ADAMTSL4: variants seen among roughly 807,000 people sequenced by gnomAD.
ADAMTSL4 encodes ADAMTS like 4, also known as ADAMTS-like protein 4.
ADAMTSL4 carries 97 observed loss-of-function variants against 122.8 expected under a neutral mutation model. That is an observed-to-expected ratio of 0.79 (90% CI 0.67 to 0.93). ADAMTSL4 has a LOEUF of 0.93. ADAMTSL4 is among the 40% of genes least tolerant of loss of function. The pLI is 0.00. For missense variants in ADAMTSL4, 1,408 were observed against 1,453.5 expected (o/e 0.97, Z 0.51); for synonymous variants, 592 against 568.0 (o/e 1.04, Z -0.60).
chr1:150,551,916 G>T, intron 2 of ADAMTSL4: 2 of 264,596 alleles, frequency 7.6e-6, no homozygotes, highest in Non-Finnish European at 1.4e-5. Flanking sequence ...AGCCTTTTGT[G>T]TGTGCCTGAG....
chr1:150,559,812 A>T lies in ADAMTSL4; in HGVS notation c.2995A>T (p.Ser999Cys). 1 of 1,613,962 alleles carries T rather than the reference A, an allele frequency of 6.2e-7. No individual in the cohort carries two copies. Among genetic ancestry groups the T allele is most frequent in the Non-Finnish European group, 8.5e-7 (1 of 1,179,992 alleles). The change falls in exon 18 of 19, where the codon AGC becomes TGC. Residue 999 changes from serine (S) to cysteine (C), a missense_variant. Coordinates refer to ENST00000271643, the MANE Select transcript of ADAMTSL4 (RefSeq NM_019032.6). The surrounding 1 kb of genome is among the most constrained non-coding windows in gnomAD (Gnocchi z 4.1). ...GTQTREVQCLSTNQTLSTRCP... is the reference protein window; with the variant it reads ...GTQTREVQCLCTNQTLSTRCP... ...GCAGACACGGGAGGTCCAGTGCCTGAGCACCAACCAGACCCTCAGCACCCG... is the reference window on the plus strand; with the variant it reads ...GCAGACACGGGAGGTCCAGTGCCTGTGCACCAACCAGACCCTCAGCACCCG...
chr1:150,558,437 G>T (rs1415814796), intron 14 of ADAMTSL4, 36 bp from the exon 15 acceptor site: 1 of 1,611,342 alleles, frequency 6.2e-7, no homozygotes. Context: ...GAAGGTCTGG[G>T]AAGCCCAGCT....
chr1:150,553,518 G>A lies in ADAMTSL4; in HGVS notation c.527G>A (p.Arg176Gln), dbSNP rs146358482. Reference protein sequence around the residue: ...LPLHRNRRHPRSPPRSELSLI... With the variant: ...LPLHRNRRHPQSPPRSELSLI... ...CTGCACCGGAACCGCAGGCACCCTC[G>A]GAGCCCACCCAGATCTGAGCTGTCC... The change falls in exon 6 of 19, where the codon CGG becomes CAG. Residue 176 changes from arginine (R) to glutamine (Q), a missense_variant. Arg to Gln is a conservative substitution (Grantham distance 43, BLOSUM62 1). Transcript: ENST00000271643. 1.7e-5 allele frequency: 28 copies of A among 1,613,668 alleles called. No homozygotes were observed. The highest frequency in any genetic ancestry group is 2.7e-5 in the African/African-American group (2 of 74,764).
At position 150,560,109 on chromosome 1, in the gene ADAMTSL4, C is replaced by T; in HGVS notation, c.3138C>T (p.Ala1046=). ...SSPHCPLVVQ[A]RLCVYPYYTA... ...CACATTGCCCCCTGGTGGTACAGGCCCGGCTCTGCGTCTACCCCTACTACA... is the reference window on the plus strand; with the variant it reads ...CACATTGCCCCCTGGTGGTACAGGCTCGGCTCTGCGTCTACCCCTACTACA... The change falls in exon 19 of 19, where the codon GCC becomes GCT. Residue 1046 remains alanine (A), a synonymous_variant. Coordinates refer to ENST00000271643, the MANE Select transcript of ADAMTSL4 (RefSeq NM_019032.6). The T allele has an allele frequency of 6.2e-7, 1 of 1,614,092 alleles. No individual in the cohort carries two copies. Among genetic ancestry groups the T allele is most frequent in the East Asian group, 2.2e-5 (1 of 44,884 alleles).
At chr1:150,550,207 T>C (rs1570909815) in intron 2 of ADAMTSL4, 1 of 456,614 alleles carries the variant, frequency 2.2e-6, no homozygotes, top group South Asian at 1.5e-5. Context: ...GGCACCAGAG[T>C]GACCACCTCT....
chr1:150,555,693 A>ATGTGTC, intron 8 of ADAMTSL4, 128 bp downstream of exon 8: 1 of 1,322,468 alleles, frequency 7.6e-7, no homozygotes, highest in Non-Finnish European at 1.0e-6. Flanking sequence ...ACACACACGC[A>ATGTGTC]TATGCGCACA....
At position 150,559,041 on chromosome 1, in the gene ADAMTSL4, A is replaced by G; in HGVS notation, c.2639A>G (p.Gln880Arg). 2 of 1,612,402 alleles carry G rather than the reference A, an allele frequency of 1.2e-6. No individual in the cohort carries two copies. The highest frequency in any genetic ancestry group is 1.7e-6 in the Non-Finnish European group (2 of 1,179,890). The change falls in exon 16 of 19, where the codon CAG becomes CGG. Residue 880 changes from glutamine (Q) to arginine (R), a missense_variant. By Grantham distance (43) the Gln-to-Arg change is conservative. Coordinates refer to ENST00000271643, the MANE Select transcript of ADAMTSL4 (RefSeq NM_019032.6). The surrounding 1 kb of genome is among the most constrained non-coding windows in gnomAD (Gnocchi z 4.1). ...AGTGGGGCAGCCCTCGGGCCAGGCC[A>G]GGGGGAAGCAGGAGCAGGAACTGGG... ...LGSGAALGPG[Q>R]GEAGAGTGQS... is the part of the protein sequence containing the mutation.
rs369905325 is a variant in ADAMTSL4 at position 150,556,882 on chromosome 1, C to T, written c.1750-57C>T. 5 of 1,607,770 alleles carry T rather than the reference C, an allele frequency of 3.1e-6. No homozygotes were observed. In the African/African-American group the frequency reaches 6.7e-5, roughly 22 times the overall value. Reference sequence around the variant, plus strand: ...GTGGTTGTCAAGATGGGAGAGAGAGCTGGTGGCATCCTCTTCTGGCCACCC... The same window carrying T: ...GTGGTTGTCAAGATGGGAGAGAGAGTTGGTGGCATCCTCTTCTGGCCACCC... On this transcript the variant is annotated intron_variant, in intron 10 of 18. Coordinates refer to ENST00000271643, the MANE Select transcript of ADAMTSL4 (RefSeq NM_019032.6). This position sits in a 1 kb window ranked among gnomAD's most constrained non-coding sequence, Gnocchi z 4.1.
intron 15 of ADAMTSL4, 63 bp from the exon 16 acceptor site, chr1:150,558,899 C>T (rs1672495830): frequency 8.4e-6 from 13 of 1,548,362 alleles, no homozygotes; most frequent in Admixed American, 2.0e-5. Flanking sequence ...TCCCTGCCCC[C>T]CTACTGTCCC....
Position 150,559,870 on chromosome 1 carries a change from G to GCC in ADAMTSL4, c.3056_3057dup (p.Cys1020ProfsTer97). 6.2e-7 allele frequency: 1 copy of GCC among 1,613,902 alleles called. No homozygotes were observed. The highest frequency in any genetic ancestry group is 8.5e-7 in the Non-Finnish European group (1 of 1,179,994). On this transcript the variant is annotated frameshift_variant, in exon 18 of 19. Transcript: ENST00000271643. LOFTEE classifies it high-confidence loss of function. This position sits in a 1 kb window ranked among gnomAD's most constrained non-coding sequence, Gnocchi z 4.1. ...CCTCAACTGCGGCCCTCCAGGAAGC[G>GCC]CCCCTGTAACAGCCAACCCTGCAGC...
chr1:150,552,320 G>C lies in ADAMTSL4; in HGVS notation c.20+12G>C, dbSNP rs1030186631. Reference sequence around the variant, plus strand: ...AACTGGACTGGCAGGTGAGAGAAGGGGCCACGGGTTGGGGGGGAGGAAAAG... The same window carrying C: ...AACTGGACTGGCAGGTGAGAGAAGGCGCCACGGGTTGGGGGGGAGGAAAAG... On this transcript the variant is annotated intron_variant, in intron 3 of 18. Transcript: ENST00000271643. This position sits in a 1 kb window ranked among gnomAD's most constrained non-coding sequence, Gnocchi z 4.0. 2 of 1,555,832 alleles carry C rather than the reference G, an allele frequency of 1.3e-6. No individual in the cohort carries two copies. Among genetic ancestry groups the C allele is most frequent in the African/African-American group, 2.7e-5 (2 of 73,474 alleles).
In ADAMTSL4 at chr1:150,559,000, T is replaced by G; in HGVS notation, c.2598T>G (p.Ser866=). 6.2e-7 allele frequency: 1 copy of G among 1,611,522 alleles called. No homozygotes were observed. The highest frequency in any genetic ancestry group is 8.5e-7 in the Non-Finnish European group (1 of 1,179,684). Residue 866 remains serine, a synonymous_variant, in exon 16 of 19, where the codon TCT becomes TCG. Transcript: ENST00000271643. ...AECGTGIQRR[S]VVCLGSGAAL... ...GTGGGACGGGAATCCAGCGGCGCTC[T>G]GTGGTCTGCCTTGGGAGTGGGGCAG...
Position 150,557,286 on chromosome 1 carries a change from G to T in ADAMTSL4, c.1998G>T (p.Ala666=), listed in dbSNP as rs374312050. 1.2e-6 allele frequency: 2 copies of T among 1,612,322 alleles called. No individual in the cohort carries two copies. Among genetic ancestry groups the T allele is most frequent in the South Asian group, 1.1e-5 (1 of 90,862 alleles). Residue 666 remains alanine, a synonymous_variant, in exon 12 of 19, where the codon GCG becomes GCT. Transcript: ENST00000271643. ...HPRTPLGSPA[A]YWKRVGHSAC... Reference sequence around the variant, plus strand: ...GGACACCCCTGGGGTCTCCAGCTGCGTACTGGAAACGAGTGGGACACTCTG... The same window carrying T: ...GGACACCCCTGGGGTCTCCAGCTGCTTACTGGAAACGAGTGGGACACTCTG...
At position 150,554,590 on chromosome 1, in the gene ADAMTSL4, C is replaced by A; in HGVS notation, c.1234+123C>A. 1 of 1,552,262 alleles carries A rather than the reference C, an allele frequency of 6.4e-7. No homozygotes were observed. Among genetic ancestry groups the A allele is most frequent in the Non-Finnish European group, 8.7e-7 (1 of 1,148,078 alleles). Reference sequence around the variant, plus strand: ...GCCCCTCTGCTTCCCCTGCGCCATGCCTTCTTTCTTCTCCCTGGGGCTGGG... The same window carrying A: ...GCCCCTCTGCTTCCCCTGCGCCATGACTTCTTTCTTCTCCCTGGGGCTGGG... On this transcript the variant is annotated intron_variant, in intron 7 of 18. Transcript: ENST00000271643. The surrounding 1 kb of genome is among the most constrained non-coding windows in gnomAD (Gnocchi z 4.0).
Position 150,555,555 on chromosome 1 carries a change from G to C in ADAMTSL4, c.1361G>C (p.Gly454Ala). Residue 454 changes from glycine (G) to alanine (A), a missense_variant, in exon 8 of 19, where the codon GGA (glycine) becomes GCA (alanine). By Grantham distance (60) the Gly-to-Ala change is moderately conservative. Transcript: ENST00000271643. Reference protein sequence around the residue: ...QPGAPDICVAGRCLSPGCDGI... With the variant: ...QPGAPDICVAARCLSPGCDGI... Reference sequence around the variant, plus strand: ...GGAGCCCCTGACATCTGTGTGGCTGGACGCTGTCTGGTGAGGGAAGACAGT... The same window carrying C: ...GGAGCCCCTGACATCTGTGTGGCTGCACGCTGTCTGGTGAGGGAAGACAGT... 1 of 1,614,108 alleles carries C rather than the reference G, an allele frequency of 6.2e-7. No individual in the cohort carries two copies. The highest frequency in any genetic ancestry group is 1.1e-5 in the South Asian group (1 of 91,086).
In ADAMTSL4 at chr1:150,558,951, C is replaced by A; in HGVS notation, c.2560-11C>A. 2 of 1,598,848 alleles carry A rather than the reference C, an allele frequency of 1.3e-6. No individual in the cohort carries two copies. Among genetic ancestry groups the A allele is most frequent in the Non-Finnish European group, 8.5e-7 (1 of 1,174,748 alleles). ...CAGGCCCCTCACACAGGCCGCTCTC[C>A]TCCTCCGCAGTGCTCAGCCGAGTGT... On this transcript the variant is annotated splice_polypyrimidine_tract_variant and intron_variant, in intron 15 of 18. Coordinates refer to ENST00000271643, the MANE Select transcript of ADAMTSL4 (RefSeq NM_019032.6).
chr1:150,550,285 C>T (rs1458676101), intron 2 of ADAMTSL4: 1 of 448,378 alleles, frequency 2.2e-6, no homozygotes, highest in Admixed American at 2.4e-5. Context: ...GGGTGAGAAG[C>T]ATAAATGTGC....
In ADAMTSL4 at chr1:150,556,176, T is replaced by C; in HGVS notation, c.1386T>C (p.Asp462=). Residue 462 remains aspartate (D), a synonymous_variant, in exon 9 of 19, where the codon GAT becomes GAC. Transcript: ENST00000271643. The surrounding 1 kb of genome is among the most constrained non-coding windows in gnomAD (Gnocchi z 4.1). The part of the protein sequence containing the change: ...VAGRCLSPGC[D]GILGSGRRPD... ...ACTCTCTCCAGAGCCCCGGCTGTGATGGGATCCTTGGCTCTGGCAGGCGTC... is the reference window on the plus strand; with the variant it reads ...ACTCTCTCCAGAGCCCCGGCTGTGACGGGATCCTTGGCTCTGGCAGGCGTC... 1 of 1,614,148 alleles carries C rather than the reference T, an allele frequency of 6.2e-7. No individual in the cohort carries two copies. The highest frequency in any genetic ancestry group is 1.1e-5 in the South Asian group (1 of 91,088).
At position 150,553,122 on chromosome 1, in the gene ADAMTSL4, T is replaced by C. The variant is rs745633055; in HGVS notation, c.303T>C (p.Gly101=). The change falls in exon 5 of 19, where the codon GGT becomes GGC. Residue 101 remains glycine (G), a synonymous_variant. Coordinates refer to ENST00000271643, the MANE Select transcript of ADAMTSL4 (RefSeq NM_019032.6). ...HPEALLPRGQ[G]PRPQTSPETL... is the part of the protein sequence containing the mutation. ...AAGCCCTCCTCCCCCGGGGCCAGGG[T>C]CCCAGACCCCAGACTTCTCCAGAAA... 1 of 1,611,986 alleles carries C rather than the reference T, an allele frequency of 6.2e-7. No homozygotes were observed. Among genetic ancestry groups the C allele is most frequent in the East Asian group, 2.2e-5 (1 of 44,796 alleles).
Sources: allele counts gnomAD v4.1 joint callset, GRCh38; gene constraint gnomAD v4.1.1; non-coding constraint Gnocchi (gnomAD v3.1); transcripts MANE v1.5; gene names NCBI Gene and HGNC (gene_info 2026-07-23, HGNC 2026-07-21).